The following KMT5B variants were observed in gnomAD, a reference collection of about 807,000 sequenced individuals.
KMT5B encodes the protein histone-lysine N-methyltransferase KMT5B.
KMT5B carries 10 observed loss-of-function variants against 83.2 expected under a neutral mutation model. The observed-to-expected ratio is 0.12, with a 90% CI of 0.07 to 0.20. The LOEUF (loss-of-function observed/expected upper bound fraction) is 0.20. Among genes scored for constraint, KMT5B ranks in the 10% least tolerant of loss-of-function variants. The pLI is 1.00. For missense variants in KMT5B, 753 were observed against 1,067.2 expected (o/e 0.71, Z 4.10); for synonymous variants, 349 against 388.8 (o/e 0.90, Z 1.20).
At chr11:68,166,366 G>A in intron 10 of KMT5B, 1 of 1,024,590 alleles carries the variant, frequency 9.8e-7, no homozygotes, top group Non-Finnish European at 1.2e-6. Flanking sequence ...AATCTCAGAG[G>A]TTGCTTCTTT....
rs1240140948 is a variant in KMT5B, at chr11:68,175,180, A to C, written c.381T>G (p.Phe127Leu). ...CTTCCTGCCTTCCTTTAATAGGCCT[A>C]AATCTGAAAGAAATCAAAAGAATGA... Reference protein sequence around the residue: ...DSFSHNNPVRFRPIKGRQEEL... With the variant: ...DSFSHNNPVRLRPIKGRQEEL... The change falls in exon 5 of 11, where the codon TTT becomes TTG. Residue 127 changes from phenylalanine to leucine, a missense_variant. Phe to Leu is a conservative substitution (Grantham distance 22, BLOSUM62 0). This residue lies in a region of KMT5B where 71 missense variants were observed against 107.0 expected (regional missense o/e 0.66). Transcript: ENST00000304363. 2 of 1,609,930 alleles carry C rather than the reference A, an allele frequency of 1.2e-6. No individual in the cohort carries two copies. The highest frequency in any genetic ancestry group is 3.3e-5 in the Admixed American group (2 of 59,732).
At chr11:68,169,171 A>G (rs1855606281) in intron 9 of KMT5B, among the ~76,000 whole-genome samples, 1 of 152,250 alleles carries the variant, frequency 6.6e-6, no homozygotes, top group Non-Finnish European at 1.5e-5. Context: ...CTTGTGGAGT[A>G]GGTGGGATTA....
At chr11:68,183,446 C>T (rs1378026975) in intron 3 of KMT5B, among the ~76,000 whole-genome samples, 3 of 152,114 alleles carry the variant, frequency 2.0e-5, no homozygotes, top group Non-Finnish European at 4.4e-5. Context: ...CAACTTCCAC[C>T]TCCCAGGTTC....
chr11:68,180,836 ACT>A (rs1856847298), intron 3 of KMT5B, among the ~76,000 whole-genome samples: 1 of 151,858 alleles, frequency 6.6e-6, no homozygotes, highest in Non-Finnish European at 1.5e-5. Context: ...ATAAACAACA[ACT>A]CTTTTTTTCT....
chr11:68,181,166 C>T (rs1021603955), intron 3 of KMT5B, among the ~76,000 whole-genome samples: 2 of 151,860 alleles, frequency 1.3e-5, no homozygotes, highest in African/African-American at 2.4e-5. Flanking sequence ...CCTCTGCCTC[C>T]CAGGTTCAAG....
At chr11:68,185,369 TA>T (rs1315054612) in intron 3 of KMT5B, among the ~76,000 whole-genome samples, 179 of 152,310 alleles carry the variant, frequency 1.2e-3, no homozygotes, top group African/African-American at 4.1e-3. Context: ...CCTGCCTGGC[TA>T]ATTTTTTTTG....
intron 6 of KMT5B, among the ~76,000 whole-genome samples, chr11:68,172,025 C>G (rs1254326624): frequency 6.6e-6 from 1 of 151,794 alleles, no homozygotes; most frequent in African/African-American, 2.4e-5. Context: ...CAAATACTTG[C>G]GGCAATGAAT....
At chr11:68,173,549 A>G (rs898803344) in intron 6 of KMT5B, among the ~76,000 whole-genome samples, 27 of 152,186 alleles carry the variant, frequency 1.8e-4, no homozygotes, top group Non-Finnish European at 2.6e-4. Context: ...TTCAGCAATC[A>G]TATCACTGAA....
At position 68,158,623 on chromosome 11, in the gene KMT5B, T is replaced by C. The variant is rs776088670; in HGVS notation, c.1723A>G (p.Ser575Gly). ...KSSVTEPCPD[S>G]GEQLQPAPVL... Reference sequence around the variant, plus strand: ...GGAGCTGGCTGCAGCTGTTCACCACTGTCGGGGCAAGGTTCCGTCACACTG... The same window carrying C: ...GGAGCTGGCTGCAGCTGTTCACCACCGTCGGGGCAAGGTTCCGTCACACTG... The change falls in exon 11 of 11, where the codon AGT (serine) becomes GGT (glycine). Residue 575 changes from serine to glycine, a missense_variant. By Grantham distance (56) the Ser-to-Gly change is moderately conservative. Coordinates refer to ENST00000304363, the MANE Select transcript of KMT5B (RefSeq NM_017635.5). 4 of 1,612,306 alleles carry C rather than the reference T, an allele frequency of 2.5e-6. No homozygotes were observed. The highest frequency in any genetic ancestry group is 1.3e-5 in the African/African-American group (1 of 74,916).
At chr11:68,190,231 G>A in intron 1 of KMT5B, 79 bp from the exon 2 acceptor site, 1 of 658,200 alleles carries the variant, frequency 1.5e-6, no homozygotes, top group African/African-American at 1.8e-5. Context: ...AGACCCTTGA[G>A]AAAGATATAT....
intron 3 of KMT5B, among the ~76,000 whole-genome samples, chr11:68,183,911 T>C (rs1227439719): frequency 1.7e-4 from 25 of 149,056 alleles, no homozygotes; most frequent in Middle Eastern, 3.7e-3. Context: ...CCACCCAGCT[T>C]GGCCTCCCAA....
chr11:68,164,361 A>C (rs1279821271), intron 10 of KMT5B, among the ~76,000 whole-genome samples: 1 of 152,248 alleles, frequency 6.6e-6, no homozygotes, highest in Non-Finnish European at 1.5e-5. Flanking sequence ...AGCACTCCGC[A>C]AACACATACA....
At chr11:68,183,557 GC>G (rs1339576217) in intron 3 of KMT5B, among the ~76,000 whole-genome samples, 1 of 151,072 alleles carries the variant, frequency 6.6e-6, no homozygotes, top group African/African-American at 2.4e-5. Flanking sequence ...CGGGGTTTCA[GC>G]ATGTTGGCCA....
At chr11:68,164,163 C>A (rs1320124379) in intron 10 of KMT5B, among the ~76,000 whole-genome samples, 2 of 152,212 alleles carry the variant, frequency 1.3e-5, no homozygotes, top group East Asian at 1.9e-4. Context: ...GTTGTCTCTA[C>A]TTCTGGATGC....
rs534750748 is a variant in KMT5B at position 68,179,775 on chromosome 11, A to G, written c.377+357T>C. On this transcript the variant is annotated intron_variant, in intron 4 of 10. Coordinates refer to ENST00000304363, the MANE Select transcript of KMT5B (RefSeq NM_017635.5). ...CTGAAGAAAGTTTAGCTGCAAATCC[A>G]CAGTTTGTAGACGCTGAGTGAGGAG... is the stretch of plus-strand genomic sequence containing the variant. The G allele has an allele frequency of 3.2e-5, 17 of 530,528 alleles. No individual in the cohort carries two copies. In the African/African-American group the frequency reaches 3.4e-4, roughly 11 times the overall value. The allele number at this position is 530,528 out of a possible 1,614,324, so 32.9% of individuals were successfully genotyped here. A position where few individuals can be genotyped will look rare whatever the true frequency, so the allele number is the denominator to read the frequency against.
rs1193643507 is a variant in KMT5B at position 68,158,465 on chromosome 11, C to G, written c.1881G>C (p.Glu627Asp). 1 of 1,613,962 alleles carries G rather than the reference C, an allele frequency of 6.2e-7. No homozygotes were observed. The highest frequency in any genetic ancestry group is 1.3e-5 in the African/African-American group (1 of 74,902). Residue 627 changes from glutamate to aspartate, a missense_variant, in exon 11 of 11, where the codon GAG (glutamate) becomes GAC (aspartate). Glu to Asp is a conservative substitution (Grantham distance 45). Transcript: ENST00000304363. ...GAGAATCGTGCACTGGAGTAGATTC[C>G]TCTATTTTTGCAAACTGTTTCACAA... ...GKLVKQFAKI[E>D]ESTPVHDSPG...
At chr11:68,179,340 AAACAT>A (rs1856693991) in intron 4 of KMT5B, 1 of 899,062 alleles carries the variant, frequency 1.1e-6, no homozygotes, top group Non-Finnish European at 1.5e-6. Flanking sequence ...TAAATCAACC[AAACAT>A]ATCTATTTTT....
chr11:68,176,673 T>C (rs561838159), intron 4 of KMT5B: 39 of 152,148 alleles, frequency 2.6e-4, no homozygotes, highest in Admixed American at 2.4e-3. Flanking sequence ...TAGTCCTAGG[T>C]ACTCAGGAGG....
chr11:68,187,589 T>TA (rs1477880573), intron 2 of KMT5B, among the ~76,000 whole-genome samples: 1 of 152,228 alleles, frequency 6.6e-6, no homozygotes, highest in African/African-American at 2.4e-5. Context: ...GGAAGCTTGT[T>TA]ATACGGTCTA....
Sources: gnomAD v4.1 joint callset for allele counts (sites outside exome capture counted in the v4.1 genomes callset) on GRCh38, gnomAD v4.1.1 for gene constraint, gnomAD v4.1.1 regional missense constraint, MANE v1.5 for transcripts, NCBI Gene and HGNC (gene_info 2026-07-23, HGNC 2026-07-21) for gene names.